Variants in EXO1 observed in about 807,000 individuals in gnomAD.
EXO1 encodes exonuclease 1.
In EXO1, 69 loss-of-function variants were observed where a neutral mutation model predicts 84.5. The observed-to-expected ratio is 0.82, with a 90% CI of 0.67 to 1.00. EXO1 has a LOEUF of 1.00. Ranked by LOEUF, EXO1 falls within the 50% of genes least tolerant of loss-of-function variation. The probability of loss-of-function intolerance (pLI) is 0.00; values close to 1 mark genes in which losing one functional copy is unlikely to be tolerated. For synonymous variants in EXO1, 373 were observed against 366.1 expected (o/e 1.02, Z -0.21); for missense variants, 1,045 against 1,000.7 (o/e 1.04, Z -0.60).
chr1:241,872,018 T>C lies in EXO1; in HGVS notation c.1268-14T>C. On this transcript the variant is annotated splice_polypyrimidine_tract_variant and intron_variant, in intron 11 of 15. Coordinates refer to ENST00000366548, the MANE Select transcript of EXO1 (RefSeq NM_130398.4). Reference sequence around the variant, plus strand: ...GTGAAACAAAGATTTACAGATAATTTTGTTTTTATTTAGCAGAGCTGTCAG... The same window carrying C: ...GTGAAACAAAGATTTACAGATAATTCTGTTTTTATTTAGCAGAGCTGTCAG... 1.2e-6 allele frequency: 2 copies of C among 1,610,230 alleles called. No individual in the cohort carries two copies. Among genetic ancestry groups the C allele is most frequent in the Non-Finnish European group, 1.7e-6 (2 of 1,176,828 alleles).
At chr1:241,882,412 G>T (rs1255478824) in intron 14 of EXO1, among the ~76,000 whole-genome samples, 1 of 152,102 alleles carries the variant, frequency 6.6e-6, no homozygotes, top group Admixed American at 6.5e-5. Flanking sequence ...GCATGGAGTG[G>T]TATTACTGGT....
At chr1:241,864,577 G>C (rs562721378) in intron 10 of EXO1, among the ~76,000 whole-genome samples, 1 of 152,318 alleles carries the variant, frequency 6.6e-6, no homozygotes, top group African/African-American at 2.4e-5. Flanking sequence ...TCTTTCGTTA[G>C]TCATTCCCCC....
chr1:241,866,350 G>A (rs1661726497), intron 10 of EXO1, among the ~76,000 whole-genome samples: 1 of 152,166 alleles, frequency 6.6e-6, no homozygotes, highest in African/African-American at 2.4e-5. Context: ...CTGACCTCAA[G>A]TGATCCGCCT....
rs1190836510 is a variant in EXO1 at position 241,889,569 on chromosome 1, G to A, written c.2510G>A (p.Cys837Tyr). ...GAGGATATATTTAACAAACCTGAAT[G>A]TGGCCGTGTTCAAAGAGCAATATTC... ...AEEDIFNKPE[C>Y]GRVQRAIFQ is the part of the protein sequence containing the mutation. Residue 837 changes from cysteine (C) to tyrosine (Y), a missense_variant, in exon 16 of 16, where the codon TGT becomes TAT. Physicochemically the swap from Cys to Tyr is radical, Grantham distance 194. Coordinates refer to ENST00000366548, the MANE Select transcript of EXO1 (RefSeq NM_130398.4). 6.2e-7 allele frequency: 1 copy of A among 1,613,970 alleles called. No homozygotes were observed. The highest frequency in any genetic ancestry group is 8.5e-7 in the Non-Finnish European group (1 of 1,179,966).
intron 12 of EXO1, among the ~76,000 whole-genome samples, chr1:241,876,489 G>A (rs377147725): frequency 1.5e-3 from 235 of 151,994 alleles, no homozygotes; most frequent in African/African-American, 5.3e-3. Context: ...GGCCGAGGGA[G>A]GAGAATAGCT....
rs1299709424 is a variant in EXO1 at position 241,853,452 on chromosome 1, A to C, written c.376A>C (p.Thr126Pro). ...RECFTRSINI[T>P]HAMAHKVIKA... ...GTGTTTCACCCGGTCTATCAATATC[A>C]CACATGCCATGGCCCACAAAGTAAT... Residue 126 changes from threonine (T) to proline (P), a missense_variant, in exon 6 of 16, where the codon ACA (threonine) becomes CCA (proline). Physicochemically the swap from Thr to Pro is conservative, Grantham distance 38. Coordinates refer to ENST00000366548, the MANE Select transcript of EXO1 (RefSeq NM_130398.4). 1 of 1,613,990 alleles carries C rather than the reference A, an allele frequency of 6.2e-7. No individual in the cohort carries two copies. The highest frequency in any genetic ancestry group is 8.5e-7 in the Non-Finnish European group (1 of 1,179,960).
chr1:241,857,332 TTCTC>T lies in EXO1; in HGVS notation c.406-9_406-6del. 1 of 1,611,572 alleles carries T rather than the reference TTCTC, an allele frequency of 6.2e-7. No individual in the cohort carries two copies. The highest frequency in any genetic ancestry group is 8.5e-7 in the Non-Finnish European group (1 of 1,178,484). On this transcript the variant is annotated splice_polypyrimidine_tract_variant and intron_variant, in intron 6 of 15. Transcript: ENST00000366548. ...ATGCCGTGCTAGAGATTCACTGTGA[TTCTC>T]TCTTCTAGGCTGCCCGGTCTCAGGG...
At position 241,872,262 on chromosome 1, in the gene EXO1, C is replaced by T. The variant is rs927149660; in HGVS notation, c.1498C>T (p.Pro500Ser). The T allele has an allele frequency of 6.2e-7, 1 of 1,613,932 alleles. No homozygotes were observed. Among genetic ancestry groups the T allele is most frequent in the Non-Finnish European group, 8.5e-7 (1 of 1,179,940 alleles). ...KNEESGAVVV[P>S]GTRSRFFCSS... ...TGAAGAAAGTGGTGCAGTTGTGGTTCCAGGGACCAGAAGCAGGTATAGTTA... is the reference window on the plus strand; with the variant it reads ...TGAAGAAAGTGGTGCAGTTGTGGTTTCAGGGACCAGAAGCAGGTATAGTTA... The change falls in exon 12 of 16, where the codon CCA (proline) becomes TCA (serine). Residue 500 changes from proline to serine, a missense_variant. Coordinates refer to ENST00000366548, the MANE Select transcript of EXO1 (RefSeq NM_130398.4).
chr1:241,874,483 T>C (rs1216610727), intron 12 of EXO1, among the ~76,000 whole-genome samples: 2 of 152,202 alleles, frequency 1.3e-5, no homozygotes, highest in African/African-American at 4.8e-5. Context: ...GATCAACCAT[T>C]CTGAGCGCCC....
chr1:241,871,149 TTTC>T (rs758717845), intron 11 of EXO1, among the ~76,000 whole-genome samples: 7 of 152,230 alleles, frequency 4.6e-5, no homozygotes, highest in Non-Finnish European at 8.8e-5. Flanking sequence ...AACACTTGTT[TTTC>T]TTCTTCTGCA....
At chr1:241,888,116 C>A (rs4150013) in intron 15 of EXO1, among the ~76,000 whole-genome samples, 2 of 152,020 alleles carry the variant, frequency 1.3e-5, no homozygotes, top group Non-Finnish European at 1.5e-5. Context: ...GGCATGTGGC[C>A]GTAGTCCCAG....
At chr1:241,855,925 A>G (rs2995541) in intron 6 of EXO1, among the ~76,000 whole-genome samples, 99,748 of 151,910 alleles carry the variant, frequency 0.66, 33,763 homozygotes, top group African/African-American at 0.82. Context: ...GCCCGCAAGC[A>G]CCGCGCGCAG....
chr1:241,883,684 C>G (rs936132779), intron 14 of EXO1, among the ~76,000 whole-genome samples: 2 of 152,040 alleles, frequency 1.3e-5, no homozygotes, highest in Admixed American at 6.6e-5. Flanking sequence ...TATCTACTAA[C>G]TTGAAAAGAC....
chr1:241,851,260 AT>A (rs1422324027), intron 4 of EXO1, among the ~76,000 whole-genome samples: 1 of 152,218 alleles, frequency 6.6e-6, no homozygotes, highest in Non-Finnish European at 1.5e-5. Context: ...GTGTTGTAAA[AT>A]TCATTATAAT....
chr1:241,884,978 C>T (rs1662967153), intron 14 of EXO1, among the ~76,000 whole-genome samples: 2 of 152,084 alleles, frequency 1.3e-5, no homozygotes, highest in African/African-American at 4.8e-5. Context: ...GAGGCTGAGG[C>T]GAGCAGATCA....
chr1:241,848,071 C>G (rs1323834980), upstream of EXO1: 1 of 152,292 alleles, frequency 6.6e-6, no homozygotes, highest in Non-Finnish European at 1.5e-5. This position sits in a 1 kb window ranked among gnomAD's most constrained non-coding sequence, Gnocchi z 4.2. Flanking sequence ...CGCTGTCTAC[C>G]CAGCGAGACG....
chr1:241,855,172 G>A (rs970697823), intron 6 of EXO1, among the ~76,000 whole-genome samples: 3 of 152,128 alleles, frequency 2.0e-5, no homozygotes, highest in African/African-American at 4.8e-5. Flanking sequence ...TCTCTTATCT[G>A]GCCCCACCCA....
In EXO1 at chr1:241,866,856, G is replaced by A. The variant is rs1327827215; in HGVS notation, c.1068G>A (p.Trp356Ter). 1 of 1,613,326 alleles carries A rather than the reference G, an allele frequency of 6.2e-7. No homozygotes were observed. Among genetic ancestry groups the A allele is most frequent in the African/African-American group, 1.3e-5 (1 of 74,838 alleles). Residue 356 changes from tryptophan to a stop codon, truncating the protein, a stop_gained, in exon 11 of 16, where the codon TGG (tryptophan) becomes TGA (stop). Coordinates refer to ENST00000366548, the MANE Select transcript of EXO1 (RefSeq NM_130398.4). LOFTEE classifies it high-confidence loss of function. ...CTGCCCATTCAAGAAGTCATAGTTG[G>A]GATGACAAAACATGTCAAAAGTCAG... ...AMPAHSRSHS[W>*]DDKTCQKSAN...
intron 15 of EXO1, among the ~76,000 whole-genome samples, chr1:241,887,377 C>T (rs1663124963): frequency 6.6e-6 from 1 of 152,138 alleles, no homozygotes; most frequent in South Asian, 2.1e-4. Context: ...GCATCTTTTA[C>T]ATGTAACATC....
Sources: allele counts gnomAD v4.1 joint callset (sites outside exome capture counted in the v4.1 genomes callset), GRCh38; gene constraint gnomAD v4.1.1; non-coding constraint Gnocchi (gnomAD v3.1); transcripts MANE v1.5; gene names NCBI Gene and HGNC (gene_info 2026-07-23, HGNC 2026-07-21).